Variants in ZSCAN25 observed in about 807,000 individuals in gnomAD.
ZSCAN25 encodes zinc finger and SCAN domain containing 25.
A neutral mutation model predicts 38.7 loss-of-function variants in ZSCAN25; 27 were observed. The observed-to-expected ratio is 0.70, with a 90% CI of 0.51 to 0.96. ZSCAN25 has a LOEUF of 0.96. ZSCAN25 is among the 40% of genes least tolerant of loss of function. The pLI is 0.00. For synonymous variants in ZSCAN25, 273 were observed against 277.7 expected (o/e 0.98, Z 0.17); for missense variants, 637 against 705.9 (o/e 0.90, Z 1.11).
At chr7:99,664,040 T>G in the ZSCAN25 span, 1 of 1,601,092 alleles carries the variant, frequency 6.2e-7, no homozygotes, top group Non-Finnish European at 8.5e-7. Flanking sequence ...TGGTATCTTT[T>G]GGAAACAGAG....
the ZSCAN25 span, among the ~76,000 whole-genome samples, chr7:99,734,682 C>T: frequency 6.7e-6 from 1 of 149,828 alleles, no homozygotes; most frequent in Non-Finnish European, 1.5e-5. Context: ...AGTGCAGTGG[C>T]ATGATCTCAG....
the ZSCAN25 span, among the ~76,000 whole-genome samples, chr7:99,728,982 A>G: frequency 6.6e-6 from 1 of 152,218 alleles, no homozygotes; most frequent in Non-Finnish European, 1.5e-5. Context: ...GGAGTACTCT[A>G]TATTTTTAAA....
At chr7:99,689,445 C>G in the ZSCAN25 span, among the ~76,000 whole-genome samples, 1 of 152,186 alleles carries the variant, frequency 6.6e-6, no homozygotes, top group Non-Finnish European at 1.5e-5. Flanking sequence ...TCGACACATA[C>G]ACCCTCCCAA....
chr7:99,690,848 C>T, the ZSCAN25 span, among the ~76,000 whole-genome samples: 5 of 152,180 alleles, frequency 3.3e-5, no homozygotes, highest in Admixed American at 1.3e-4. Flanking sequence ...GTTGGTGTGA[C>T]TGTAAACTAG....
chr7:99,673,521 A>C, the ZSCAN25 span, among the ~76,000 whole-genome samples: 1 of 152,222 alleles, frequency 6.6e-6, no homozygotes, highest in Non-Finnish European at 1.5e-5. Flanking sequence ...TCCTTCTATT[A>C]AGAAGTTTTG....
At chr7:99,632,594 C>T (rs1166891364), downstream of ZSCAN25, among the ~76,000 whole-genome samples, 7 of 152,100 alleles carry the variant, frequency 4.6e-5, no homozygotes, top group South Asian at 2.1e-4. Flanking sequence ...GAGAGGAGTT[C>T]GAGACCAGCC....
At chr7:99,732,439 C>T in the ZSCAN25 span, among the ~76,000 whole-genome samples, 1 of 152,098 alleles carries the variant, frequency 6.6e-6, no homozygotes, top group East Asian at 1.9e-4. Flanking sequence ...CAGACATGCT[C>T]ATTTTTTTTC....
the ZSCAN25 span, among the ~76,000 whole-genome samples, chr7:99,728,760 G>C: frequency 2.6e-5 from 4 of 152,106 alleles, no homozygotes; most frequent in South Asian, 8.3e-4. Flanking sequence ...CTACTTGTAG[G>C]GTTAGGACTT....
chr7:99,642,893 G>T, the ZSCAN25 span, among the ~76,000 whole-genome samples: 1 of 152,074 alleles, frequency 6.6e-6, no homozygotes, highest in Non-Finnish European at 1.5e-5. Context: ...ATGTACCTGT[G>T]GTCTGTGATG....
chr7:99,732,981 C>T, the ZSCAN25 span, among the ~76,000 whole-genome samples: 5 of 152,178 alleles, frequency 3.3e-5, no homozygotes, highest in Non-Finnish European at 7.3e-5. Flanking sequence ...CTGTACAAAT[C>T]CAGTGACTCT....
chr7:99,628,274 A>G (rs929878352), intron 7 of ZSCAN25, among the ~76,000 whole-genome samples: 1 of 152,210 alleles, frequency 6.6e-6, no homozygotes, highest in Non-Finnish European at 1.5e-5. Flanking sequence ...GGAGGCATAT[A>G]CTGTCAGGTT....
chr7:99,634,522 G>T (rs1808189853), downstream of ZSCAN25, among the ~76,000 whole-genome samples: 1 of 152,184 alleles, frequency 6.6e-6, no homozygotes. Context: ...AGGCGCGGTG[G>T]CTCACGCCTG....
the ZSCAN25 span, among the ~76,000 whole-genome samples, chr7:99,677,493 G>A: frequency 3.3e-5 from 5 of 152,292 alleles, no homozygotes; most frequent in East Asian, 3.9e-4. Context: ...ATGATAAAAC[G>A]TCCCGGAGAG....
chr7:99,695,536 G>T, the ZSCAN25 span, among the ~76,000 whole-genome samples: 1 of 152,080 alleles, frequency 6.6e-6, no homozygotes, highest in Admixed American at 6.5e-5. Context: ...CCTGAGATTT[G>T]GACTGTTCAA....
chr7:99,661,264 C>T, the ZSCAN25 span, among the ~76,000 whole-genome samples: 1 of 152,198 alleles, frequency 6.6e-6, no homozygotes. Flanking sequence ...TGCAGAATCT[C>T]AAACCCCACC....
At chr7:99,659,289 C>G in the ZSCAN25 span, 1 of 152,614 alleles carries the variant, frequency 6.6e-6, no homozygotes, top group Non-Finnish European at 1.5e-5. Context: ...AGTTTTCCTT[C>G]TGACAGTCAG....
chr7:99,672,526 A>C, the ZSCAN25 span: 3 of 1,473,450 alleles, frequency 2.0e-6, no homozygotes, highest in East Asian at 6.8e-5. Context: ...TTTCAAAATA[A>C]AAATTTAATC....
At chr7:99,694,762 A>G in the ZSCAN25 span, among the ~76,000 whole-genome samples, 22 of 151,634 alleles carry the variant, frequency 1.5e-4, no homozygotes, top group African/African-American at 5.4e-4. Context: ...TAAGCCACAG[A>G]GCTGACTACT....
the ZSCAN25 span, among the ~76,000 whole-genome samples, chr7:99,722,982 G>A: frequency 2.0e-5 from 3 of 152,078 alleles, no homozygotes; most frequent in African/African-American, 4.8e-5. Context: ...TCTACACATC[G>A]GAGACAGAAA....
Sources: gnomAD v4.1 joint callset for allele counts (sites outside exome capture counted in the v4.1 genomes callset) on GRCh38, gnomAD v4.1.1 for gene constraint, MANE v1.5 for transcripts, NCBI Gene and HGNC (gene_info 2026-07-23, HGNC 2026-07-21) for gene names.